Variants in SYNPR observed in about 807,000 individuals in gnomAD.
The protein encoded by SYNPR is synaptoporin.
SYNPR carries 23 observed loss-of-function variants against 32.9 expected under a neutral mutation model. The observed-to-expected ratio is 0.70, with a 90% CI of 0.50 to 0.99. The LOEUF is 0.99. Ranked by LOEUF, SYNPR falls within the 50% of genes least tolerant of loss-of-function variation. The probability of loss-of-function intolerance (pLI) is 0.00; values close to 1 mark genes in which losing one functional copy is unlikely to be tolerated. For missense variants in SYNPR, 318 were observed against 349.3 expected (o/e 0.91, Z 0.71); for synonymous variants, 146 against 135.9 (o/e 1.07, Z -0.52).
At chr3:63,331,045 G>A (rs2087224211) in intron 2 of SYNPR, among the ~76,000 whole-genome samples, 1 of 152,154 alleles carries the variant, frequency 6.6e-6, no homozygotes, top group Admixed American at 6.5e-5. Context: ...ATCATTGTAA[G>A]GAAGGTATTG....
intron 3 of SYNPR, among the ~76,000 whole-genome samples, chr3:63,483,165 C>T (rs899958769): frequency 6.6e-6 from 1 of 152,126 alleles, no homozygotes. Flanking sequence ...GCATGTAATG[C>T]ATGTAATATG....
At chr3:63,329,798 A>G (rs1279425270) in intron 2 of SYNPR, among the ~76,000 whole-genome samples, 2 of 152,124 alleles carry the variant, frequency 1.3e-5, no homozygotes, top group South Asian at 2.1e-4. Flanking sequence ...CAATTTTTTC[A>G]TCTAACCCAG....
At chr3:63,595,011 G>C (rs1699909021) in intron 4 of SYNPR, among the ~76,000 whole-genome samples, 1 of 152,150 alleles carries the variant, frequency 6.6e-6, no homozygotes, top group Non-Finnish European at 1.5e-5. Flanking sequence ...GATAAATGTG[G>C]AGCCTCCAGC....
intron 2 of SYNPR, among the ~76,000 whole-genome samples, chr3:63,326,110 T>C (rs1279553726): frequency 6.6e-6 from 1 of 151,996 alleles, no homozygotes; most frequent in African/African-American, 2.4e-5. Flanking sequence ...TGGTTGACAA[T>C]TCAAGTTTGC....
the SYNPR span, chr3:63,203,173 G>C: frequency 2.0e-5 from 3 of 150,092 alleles, no homozygotes; most frequent in South Asian, 6.4e-4. Context: ...GAGGATGTGA[G>C]GATGAGAGAG....
chr3:63,368,383 G>T (rs552664875), intron 2 of SYNPR, among the ~76,000 whole-genome samples: 1 of 152,292 alleles, frequency 6.6e-6, no homozygotes, highest in East Asian at 1.9e-4. Flanking sequence ...AATGAAAGAG[G>T]AATGTGATGT....
chr3:63,280,730 G>A (rs1286546753), intron 2 of SYNPR, among the ~76,000 whole-genome samples: 1 of 151,386 alleles, frequency 6.6e-6, no homozygotes, highest in African/African-American at 2.4e-5. Context: ...GGAGGGGTGT[G>A]TGTGTGTGTG....
chr3:63,442,180 T>C (rs1700190119), intron 2 of SYNPR, among the ~76,000 whole-genome samples: 1 of 149,542 alleles, frequency 6.7e-6, no homozygotes, highest in Non-Finnish European at 1.5e-5. Context: ...TGTGTGTGTG[T>C]GTGTGTGCAC....
intron 2 of SYNPR, among the ~76,000 whole-genome samples, chr3:63,432,234 C>T (rs1391342425): frequency 6.6e-6 from 1 of 152,148 alleles, no homozygotes; most frequent in African/African-American, 2.4e-5. Flanking sequence ...CAATTCCCCA[C>T]TCTCTTTTCT....
intron 2 of SYNPR, among the ~76,000 whole-genome samples, chr3:63,325,125 T>G (rs2087152407): frequency 6.6e-6 from 1 of 152,098 alleles, no homozygotes; most frequent in Non-Finnish European, 1.5e-5. Flanking sequence ...GCTGAAAAAT[T>G]CTCTGCTAGT....
intron 2 of SYNPR, among the ~76,000 whole-genome samples, chr3:63,341,606 T>C (rs2087371596): frequency 6.6e-6 from 1 of 152,244 alleles, no homozygotes; most frequent in African/African-American, 2.4e-5. Context: ...TAATGACATT[T>C]CATGTTGAGC....
intron 2 of SYNPR, among the ~76,000 whole-genome samples, chr3:63,433,778 G>A (rs577746308): frequency 6.6e-6 from 1 of 152,248 alleles, no homozygotes; most frequent in African/African-American, 2.4e-5. Context: ...TAATAAAATT[G>A]TAGAAATTTT....
At chr3:63,201,853 T>C in the SYNPR span, among the ~76,000 whole-genome samples, 1 of 152,156 alleles carries the variant, frequency 6.6e-6, no homozygotes, top group African/African-American at 2.4e-5. Flanking sequence ...AAAACTTGAA[T>C]TATAGGCTAC....
intron 2 of SYNPR, among the ~76,000 whole-genome samples, chr3:63,262,155 A>G (rs902942695): frequency 6.6e-6 from 1 of 152,092 alleles, no homozygotes; most frequent in African/African-American, 2.4e-5. Flanking sequence ...TAAGTTTTCT[A>G]GAATGCAAAG....
At chr3:63,527,633 C>T (rs1428610724) in intron 3 of SYNPR, among the ~76,000 whole-genome samples, 1 of 152,148 alleles carries the variant, frequency 6.6e-6, no homozygotes, top group Non-Finnish European at 1.5e-5. Context: ...GGCGCTTTCC[C>T]TCTTCATCTA....
the SYNPR span, among the ~76,000 whole-genome samples, chr3:63,211,861 C>T: frequency 6.2e-5 from 4 of 64,018 alleles, no homozygotes; most frequent in South Asian, 5.6e-4. Context: ...CCTCCCCCCT[C>T]CCCCGACCCC....
At chr3:63,494,522 CATAT>C (rs67679314) in intron 3 of SYNPR, among the ~76,000 whole-genome samples, 1 of 52,140 alleles carries the variant, frequency 1.9e-5, no homozygotes, top group Non-Finnish European at 4.2e-5. Flanking sequence ...TACATATATA[CATAT>C]ATATATATGG....
intron 4 of SYNPR, among the ~76,000 whole-genome samples, chr3:63,604,631 T>C (rs1457389450): frequency 6.6e-6 from 1 of 152,218 alleles, no homozygotes; most frequent in African/African-American, 2.4e-5. Flanking sequence ...CTGTTTAATT[T>C]CCATCCAATT....
intron 2 of SYNPR, among the ~76,000 whole-genome samples, chr3:63,442,824 A>G (rs1207355867): frequency 6.6e-6 from 1 of 152,196 alleles, no homozygotes; most frequent in East Asian, 1.9e-4. Context: ...AATGGGGATT[A>G]TGCATAACAG....
Sources: allele counts gnomAD v4.1 joint callset (sites outside exome capture counted in the v4.1 genomes callset), GRCh38; gene constraint gnomAD v4.1.1; transcripts MANE v1.5; gene names NCBI Gene and HGNC (gene_info 2026-07-23, HGNC 2026-07-21).